The following PTPRD variants were observed in gnomAD, a reference collection of about 807,000 sequenced individuals.
The protein encoded by PTPRD is protein tyrosine phosphatase receptor type D.
In PTPRD, 34 loss-of-function variants were observed where a neutral mutation model predicts 214.5. The ratio of observed to expected loss-of-function variants is 0.16; its 90% CI spans 0.12 to 0.21. The LOEUF is 0.21. PTPRD is among the 10% of genes least tolerant of loss of function. The pLI is 1.00. For missense variants in PTPRD, 2,545 were observed against 2,398.7 expected (o/e 1.06, Z -1.27); for synonymous variants, 1,128 against 845.7 (o/e 1.33, Z -5.79).
intron 35 of PTPRD, among the ~76,000 whole-genome samples, chr9:8,415,640 A>C (rs998913784): frequency 6.6e-6 from 1 of 152,170 alleles, no homozygotes; most frequent in African/African-American, 2.4e-5. Context: ...TAAACAGTAA[A>C]ACATAAATTA....
At chr9:8,529,534 A>C (rs2075133955) in intron 14 of PTPRD, among the ~76,000 whole-genome samples, 2 of 152,156 alleles carry the variant, frequency 1.3e-5, no homozygotes, top group South Asian at 4.1e-4. Flanking sequence ...GTAATTAAAA[A>C]GTTGAAATTC....
chr9:9,286,526 C>T (rs1254418295), intron 9 of PTPRD, among the ~76,000 whole-genome samples: 1 of 151,758 alleles, frequency 6.6e-6, no homozygotes, highest in Non-Finnish European at 1.5e-5. Context: ...GAACACATTA[C>T]TTCCTTTGAT....
At chr9:10,611,263 C>T (rs2080895377) in intron 2 of PTPRD, among the ~76,000 whole-genome samples, 1 of 152,050 alleles carries the variant, frequency 6.6e-6, no homozygotes, top group Non-Finnish European at 1.5e-5. Flanking sequence ...TGTTAAAAAT[C>T]AGGTCTGTTT....
intron 3 of PTPRD, among the ~76,000 whole-genome samples, chr9:10,330,745 G>C (rs2096734264): frequency 6.6e-6 from 1 of 151,792 alleles, no homozygotes; most frequent in Non-Finnish European, 1.5e-5. Context: ...CTCAGGAGCA[G>C]CTTGCATGCA....
chr9:10,552,719 G>A (rs1157357843), intron 2 of PTPRD, among the ~76,000 whole-genome samples: 1 of 151,836 alleles, frequency 6.6e-6, no homozygotes, highest in Non-Finnish European at 1.5e-5. Flanking sequence ...TTTCCTTTCA[G>A]TCTTCTAGAG....
At chr9:8,733,413 A>T (rs146289579) in intron 12 of PTPRD, among the ~76,000 whole-genome samples, 4 of 152,292 alleles carry the variant, frequency 2.6e-5, no homozygotes, top group African/African-American at 9.6e-5. Context: ...CACAAAAATA[A>T]AGAAATTTTG....
In PTPRD at chr9:10,256,432, A is replaced by C. The variant is rs141248898; in HGVS notation, c.-545+84531T>G. On this transcript the variant is annotated intron_variant, in intron 3 of 45. Coordinates refer to ENST00000381196, the MANE Select transcript of PTPRD (RefSeq NM_002839.4). ...TTAATAAGTAGGAGTACACTCTAAC[A>C]TAATAAAAATACAGTATACTATATA... Among the ~76,000 whole-genome samples, 671 of 151,168 alleles carry C rather than the reference A, an allele frequency of 4.4e-3. 7 individuals carry two copies. Among genetic ancestry groups the C allele is most frequent in the African/African-American group, 0.015 (611 of 40,716 alleles).
At chr9:9,109,750 G>A (rs552130330) in intron 10 of PTPRD, among the ~76,000 whole-genome samples, 22 of 152,130 alleles carry the variant, frequency 1.4e-4, no homozygotes, top group South Asian at 2.1e-4. Context: ...ATCTTTCTGC[G>A]AATGAAATAG....
rs1555388978 is a variant in PTPRD at position 9,954,297 on chromosome 9, C to CCAAAA, written c.-471-15688_-471-15687insTTTTG. 2.5e-3 allele frequency among the ~76,000 whole-genome samples: 132 copies of CCAAAA among 53,776 alleles called. 18 individuals carry two copies. Among genetic ancestry groups the CCAAAA allele is most frequent in the African/African-American group, 6.7e-3 (130 of 19,464 alleles). The allele number at this position is 53,776 out of a possible 152,430, so 35.3% of individuals were successfully genotyped here. A position where few individuals can be genotyped will look rare whatever the true frequency, so the allele number is the denominator to read the frequency against. On this transcript the variant is annotated intron_variant, in intron 4 of 45. Coordinates refer to ENST00000381196, the MANE Select transcript of PTPRD (RefSeq NM_002839.4). ...GACAGATTGAGACTCTGTCTCAAAA[C>CCAAAA]AAAAAAAAAAAAAAAAAAAAAAAAA...
At chr9:9,233,682 G>A (rs1362236324) in intron 9 of PTPRD, among the ~76,000 whole-genome samples, 1 of 152,190 alleles carries the variant, frequency 6.6e-6, no homozygotes, top group Admixed American at 6.5e-5. Context: ...CATTCCAAAT[G>A]GGAGAAATAG....
chr9:8,766,280 C>T (rs577939248), intron 11 of PTPRD, among the ~76,000 whole-genome samples: 29 of 151,808 alleles, frequency 1.9e-4, no homozygotes, highest in African/African-American at 6.5e-4. Flanking sequence ...CCTCTGGGTA[C>T]TTGGTTTCCT....
At chr9:9,107,690 T>C (rs2099800610) in intron 10 of PTPRD, among the ~76,000 whole-genome samples, 1 of 152,182 alleles carries the variant, frequency 6.6e-6, no homozygotes, top group Non-Finnish European at 1.5e-5. Flanking sequence ...GGAAAGTTTT[T>C]CATCCACAAA....
At chr9:9,698,427 T>G (rs115854456) in intron 7 of PTPRD, among the ~76,000 whole-genome samples, 5 of 152,162 alleles carry the variant, frequency 3.3e-5, no homozygotes, top group African/African-American at 1.2e-4. Flanking sequence ...CTGTCCCAGA[T>G]AGGGGAGATC....
chr9:9,163,579 C>T (rs1268299588), intron 10 of PTPRD, among the ~76,000 whole-genome samples: 1 of 151,310 alleles, frequency 6.6e-6, no homozygotes, highest in South Asian at 2.1e-4. Flanking sequence ...CCTTTTTTCC[C>T]GTCAAAATCT....
chr9:9,225,299 A>G (rs1401445713), intron 9 of PTPRD, among the ~76,000 whole-genome samples: 1 of 152,034 alleles, frequency 6.6e-6, no homozygotes, highest in Admixed American at 6.6e-5. Context: ...AATATGTCAT[A>G]GGTGACAACC....
At chr9:10,403,540 G>A (rs80086218) in intron 2 of PTPRD, among the ~76,000 whole-genome samples, 3,811 of 151,302 alleles carry the variant, frequency 0.025, 105 homozygotes, top group East Asian at 0.093. Flanking sequence ...TTGGGAGAGC[G>A]AAAAGGTACA....
At chr9:9,322,134 A>G (rs1440497143) in intron 9 of PTPRD, among the ~76,000 whole-genome samples, 4 of 152,222 alleles carry the variant, frequency 2.6e-5, no homozygotes, top group African/African-American at 9.6e-5. Flanking sequence ...GAAAATGGAC[A>G]TGCTTTTGAG....
At chr9:9,548,662 C>A (rs2079437258) in intron 8 of PTPRD, among the ~76,000 whole-genome samples, 1 of 151,482 alleles carries the variant, frequency 6.6e-6, no homozygotes, top group African/African-American at 2.4e-5. Context: ...GAGTTAAAAG[C>A]AAAAGTATGA....
At chr9:8,340,084 G>T (rs951714919) in intron 42 of PTPRD, among the ~76,000 whole-genome samples, 19 of 152,050 alleles carry the variant, frequency 1.2e-4, no homozygotes, top group Non-Finnish European at 2.9e-5. Flanking sequence ...GTCAAACGGG[G>T]ACACCTGCTA....
Sources: allele counts gnomAD v4.1 joint callset (sites outside exome capture counted in the v4.1 genomes callset), GRCh38; gene constraint gnomAD v4.1.1; transcripts MANE v1.5; gene names NCBI Gene and HGNC (gene_info 2026-07-23, HGNC 2026-07-21).